Variants in CDK1 observed in about 807,000 individuals in gnomAD.
CDK1 encodes the protein cyclin-dependent kinase 1.
CDK1 carries 5 observed loss-of-function variants against 34.6 expected under a neutral mutation model. The observed-to-expected ratio is 0.14, with a 90% CI of 0.08 to 0.30. The LOEUF is 0.30. Ranked by LOEUF, CDK1 falls within the 10% of genes least tolerant of loss-of-function variation. The pLI is 1.00. For synonymous variants in CDK1, 108 were observed against 114.7 expected, an observed-to-expected ratio of 0.94 and a Z score of 0.37; for missense variants, 157 against 345.7, an observed-to-expected ratio of 0.45 and a Z score of 4.33.
At position 60,784,752 on chromosome 10, in the gene CDK1, G is replaced by T. The variant is rs754755265; in HGVS notation, c.85G>T (p.Val29Leu). Reference sequence around the variant, plus strand: ...GGGTAGACACAAAACTACAGGTCAAGTGGTAGCCATGAAAAAAATCAGACT... The same window carrying T: ...GGGTAGACACAAAACTACAGGTCAATTGGTAGCCATGAAAAAAATCAGACT... The part of the protein sequence containing the change: ...YKGRHKTTGQ[V>L]VAMKKIRLES... Residue 29 changes from valine (V) to leucine (L), a missense_variant, in exon 3 of 8, where the codon GTG (valine) becomes TTG (leucine). This residue lies in a region of CDK1 where 53 missense variants were observed against 89.2 expected (regional missense o/e 0.59). Coordinates refer to ENST00000395284, the MANE Select transcript of CDK1 (RefSeq NM_001786.5). 6.2e-7 allele frequency: 1 copy of T among 1,613,262 alleles called. No individual in the cohort carries two copies. Among genetic ancestry groups the T allele is most frequent in the Non-Finnish European group, 8.5e-7 (1 of 1,179,238 alleles).
intron 2 of CDK1, among the ~76,000 whole-genome samples, chr10:60,782,752 A>G (rs904147154): frequency 2.6e-5 from 4 of 152,142 alleles, no homozygotes; most frequent in Non-Finnish European, 5.9e-5. Flanking sequence ...TAAATACCCT[A>G]GAGTATTTCT....
At chr10:60,791,599 G>C (rs1399282909) in intron 5 of CDK1, among the ~76,000 whole-genome samples, 2 of 151,920 alleles carry the variant, frequency 1.3e-5, no homozygotes, top group Non-Finnish European at 2.9e-5. Context: ...ATTATCAATG[G>C]GTTTGGTTTT....
At position 60,794,056 on chromosome 10, in the gene CDK1, T is replaced by C. The variant is rs929241159; in HGVS notation, c.*81T>C. 3.9e-5 allele frequency: 27 copies of C among 697,164 alleles called. 1 individual carries two copies. Among genetic ancestry groups the C allele is most frequent in the South Asian group, 3.0e-4 (15 of 50,744 alleles). The allele number at this position is 697,164 out of a possible 1,614,324, so 43.2% of individuals were successfully genotyped here. A position where few individuals can be genotyped will look rare whatever the true frequency, so the allele number is the denominator to read the frequency against. On this transcript the variant is annotated 3_prime_UTR_variant, in exon 8 of 8. Coordinates refer to ENST00000395284, the MANE Select transcript of CDK1 (RefSeq NM_001786.5). Reference sequence around the variant, plus strand: ...TTAACTCTTGTCTATTTTTGTCTTATATATATTTCTTTGTTATCAAACTTC... The same window carrying C: ...TTAACTCTTGTCTATTTTTGTCTTACATATATTTCTTTGTTATCAAACTTC...
chr10:60,793,870 C>A lies in CDK1; in HGVS notation c.796-7C>A. On this transcript the variant is annotated splice_region_variant and splice_polypyrimidine_tract_variant and intron_variant, in intron 7 of 7. Transcript: ENST00000395284. The stretch of plus-strand genomic sequence containing the variant: ...AAATAAATATCTCTTTTTCTTTTTT[C>A]TCCCAGAAAATGTTAATCTATGATC... 6.9e-7 allele frequency: 1 copy of A among 1,454,080 alleles called. No individual in the cohort carries two copies. The highest frequency in any genetic ancestry group is 9.4e-7 in the Non-Finnish European group (1 of 1,063,244). 90.1% of individuals were successfully genotyped at this position (1,454,080 alleles called of 1,614,324 possible). A position where few individuals can be genotyped will look rare whatever the true frequency, so the allele number is the denominator to read the frequency against.
intron 5 of CDK1, among the ~76,000 whole-genome samples, chr10:60,789,119 C>T (rs1032854940): frequency 3.9e-5 from 6 of 151,952 alleles, no homozygotes; most frequent in East Asian, 3.8e-4. Context: ...TTTTTATCGA[C>T]GCATTATTAT....
chr10:60,781,763 C>T (rs1035147936), intron 2 of CDK1, among the ~76,000 whole-genome samples: 3 of 152,098 alleles, frequency 2.0e-5, no homozygotes, highest in Non-Finnish European at 4.4e-5. Flanking sequence ...TTTATCTCCT[C>T]CTCTAGTCCA....
rs2080242280 is a variant in CDK1 at position 60,778,525 on chromosome 10, C to G, written c.-71C>G. On this transcript the variant is annotated 5_prime_UTR_variant, in exon 1 of 8. Coordinates refer to ENST00000395284, the MANE Select transcript of CDK1 (RefSeq NM_001786.5). ...CTTGGAAATTGAGCGGAGAGCGACG[C>G]GGTTGTTGTAGCTGCCGCTGCGGCC... The G allele has an allele frequency of 6.6e-6, 1 of 152,474 alleles. No homozygotes were observed. The highest frequency in any genetic ancestry group is 2.4e-5 in the African/African-American group (1 of 41,462). The allele number at this position is 152,474 out of a possible 1,614,324, so 9.4% of individuals were successfully genotyped here. A position where few individuals can be genotyped will look rare whatever the true frequency, so the allele number is the denominator to read the frequency against.
chr10:60,789,658 A>G (rs2080342736), intron 5 of CDK1, among the ~76,000 whole-genome samples: 3 of 152,220 alleles, frequency 2.0e-5, no homozygotes, highest in Admixed American at 2.0e-4. Flanking sequence ...GTTGATGGAA[A>G]CAGGTCGATT....
intron 5 of CDK1, among the ~76,000 whole-genome samples, chr10:60,789,915 T>A (rs1374964144): frequency 1.3e-5 from 2 of 152,190 alleles, no homozygotes; most frequent in Non-Finnish European, 2.9e-5. Context: ...TCAGCACTTA[T>A]TTTTTGTCTT....
rs755351843 is a variant in CDK1, at chr10:60,792,229, A to T, written c.735A>T (p.Lys245Asn). 6.2e-7 allele frequency: 1 copy of T among 1,613,108 alleles called. No individual in the cohort carries two copies. Among genetic ancestry groups the T allele is most frequent in the East Asian group, 2.2e-5 (1 of 44,842 alleles). ...ATAAGAATACATTTCCCAAATGGAA[A>T]CCAGGAAGCCTAGCATCCCATGTCA... ...QDYKNTFPKW[K>N]PGSLASHVKN... The change falls in exon 7 of 8, where the codon AAA becomes AAT. Residue 245 changes from lysine (K) to asparagine (N), a missense_variant. Transcript: ENST00000395284.
chr10:60,783,681 A>G (rs2080291350), intron 2 of CDK1: 1 of 152,158 alleles, frequency 6.6e-6, no homozygotes, highest in Non-Finnish European at 1.5e-5. Flanking sequence ...TCAGCCACGT[A>G]TATGACAGAT....
rs1198860303 is a variant in CDK1, at chr10:60,794,717, T to C, written c.*742T>C. 1 of 152,078 alleles carries C rather than the reference T, an allele frequency of 6.6e-6. No individual in the cohort carries two copies. Among genetic ancestry groups the C allele is most frequent in the Non-Finnish European group, 1.5e-5 (1 of 67,982 alleles). 9.4% of individuals were successfully genotyped at this position (152,078 alleles called of 1,614,324 possible). ...TGGTCAGAGTAATAACTGAAGGAGTTGCTTATCTTGGCTTTCGAGTCTGAG... is the reference window on the plus strand; with the variant it reads ...TGGTCAGAGTAATAACTGAAGGAGTCGCTTATCTTGGCTTTCGAGTCTGAG... On this transcript the variant is annotated 3_prime_UTR_variant, in exon 8 of 8. Coordinates refer to ENST00000395284, the MANE Select transcript of CDK1 (RefSeq NM_001786.5).
At chr10:60,784,484 G>A (rs2080298747) in intron 2 of CDK1, among the ~76,000 whole-genome samples, 1 of 152,066 alleles carries the variant, frequency 6.6e-6, no homozygotes, top group African/African-American at 2.4e-5. Context: ...ACAAAAATTA[G>A]CCGAGTGTGG....
intron 4 of CDK1, chr10:60,787,780 A>G (rs2080328764): frequency 5.4e-6 from 1 of 184,470 alleles, no homozygotes. Flanking sequence ...TAGAAAACCA[A>G]TTTGTAATTT....
At chr10:60,780,550 A>G (rs1344957121) in intron 2 of CDK1, among the ~76,000 whole-genome samples, 1 of 152,146 alleles carries the variant, frequency 6.6e-6, no homozygotes, top group Non-Finnish European at 1.5e-5. Context: ...TTCATAATAT[A>G]TTTTTAGTTT....
chr10:60,792,359 C>T, intron 7 of CDK1, 70 bp downstream of exon 7: 1 of 1,387,436 alleles, frequency 7.2e-7, no homozygotes, highest in Non-Finnish European at 9.9e-7. Flanking sequence ...CTTTGTTTTG[C>T]CTAGAAAATA....
chr10:60,792,924 T>A (rs1195289106), intron 7 of CDK1, among the ~76,000 whole-genome samples: 1 of 152,118 alleles, frequency 6.6e-6, no homozygotes, highest in Non-Finnish European at 1.5e-5. Context: ...GCATCATAAC[T>A]TGTTTAGTGG....
At chr10:60,784,137 A>G (rs2080295449) in intron 2 of CDK1, among the ~76,000 whole-genome samples, 1 of 152,218 alleles carries the variant, frequency 6.6e-6, no homozygotes, top group African/African-American at 2.4e-5. Context: ...TTGTTCTGTA[A>G]AATATGCTGG....
rs183128471 is a variant in CDK1, at chr10:60,790,128, T to G, written c.490-1762T>G. On this transcript the variant is annotated intron_variant, in intron 5 of 7. Transcript: ENST00000395284. Reference sequence around the variant, plus strand: ...TATTCTGGATGTTAATTCTTTGTTGTATGAATGATTTGCAAATAATTTCTC... The same window carrying G: ...TATTCTGGATGTTAATTCTTTGTTGGATGAATGATTTGCAAATAATTTCTC... Among the ~76,000 whole-genome samples, 6 of 152,332 alleles carry G rather than the reference T, an allele frequency of 3.9e-5. No individual in the cohort carries two copies. The East Asian group carries it at 1.2e-3, about 29-fold the overall frequency.
Sources: gnomAD v4.1 joint callset for allele counts (sites outside exome capture counted in the v4.1 genomes callset) on GRCh38, gnomAD v4.1.1 for gene constraint, gnomAD v4.1.1 regional missense constraint, MANE v1.5 for transcripts, NCBI Gene and HGNC (gene_info 2026-07-23, HGNC 2026-07-21) for gene names.